MORC1: variants seen among roughly 807,000 people sequenced by gnomAD.
MORC1 encodes MORC family CW-type zinc finger protein 1.
MORC1 carries 59 observed loss-of-function variants against 134.9 expected under a neutral mutation model. The observed-to-expected ratio is 0.44, with a 90% confidence interval of 0.35 to 0.54. The LOEUF is 0.54. MORC1 is among the 20% of genes least tolerant of loss of function. The pLI, the probability that MORC1 is intolerant of heterozygous loss-of-function variation, is 0.00. For synonymous variants in MORC1, 395 were observed against 391.7 expected (o/e 1.01, Z -0.10); for missense variants, 947 against 1,134.5 (o/e 0.83, Z 2.37).
chr3:108,970,254 A>T (rs1947341639), intron 25 of MORC1, among the ~76,000 whole-genome samples: 1 of 152,080 alleles, frequency 6.6e-6, no homozygotes, highest in Admixed American at 6.5e-5. Context: ...CACAAAGAAG[A>T]TGGGAGGGAG....
chr3:109,074,452 A>G (rs902982968), intron 8 of MORC1, among the ~76,000 whole-genome samples: 3 of 152,224 alleles, frequency 2.0e-5, no homozygotes, highest in African/African-American at 7.2e-5. Context: ...TCACCTCCAA[A>G]AAAGGAATCA....
intron 8 of MORC1, among the ~76,000 whole-genome samples, chr3:109,078,854 A>G (rs1185700878): frequency 6.6e-6 from 1 of 151,950 alleles, no homozygotes; most frequent in Admixed American, 6.6e-5. Context: ...AAATTTTATA[A>G]AAACTCCATG....
intron 26 of MORC1, among the ~76,000 whole-genome samples, chr3:108,968,328 A>C (rs1468956369): frequency 6.6e-6 from 1 of 152,198 alleles, no homozygotes; most frequent in Non-Finnish European, 1.5e-5. Context: ...GTTGTTTATC[A>C]CCGTCCAGTT....
chr3:109,032,632 T>C (rs139917059), intron 16 of MORC1, 88 bp downstream of exon 16: 1 of 895,514 alleles, frequency 1.1e-6, no homozygotes, highest in Non-Finnish European at 1.7e-6. Context: ...CTAAAATCTA[T>C]ATTATAGATT....
In MORC1 at chr3:109,112,105, TG is replaced by T. The variant is rs1324422857; in HGVS notation, c.120-1323del. Among the ~76,000 whole-genome samples the T allele has an allele frequency of 5.9e-5, 9 of 152,318 alleles. No individual in the cohort carries two copies. In the South Asian group the frequency reaches 1.9e-3, roughly 32 times the overall value. On this transcript the variant is annotated intron_variant, in intron 2 of 27. Transcript: ENST00000232603. Reference sequence around the variant, plus strand: ...TTTAATAAATGCCACTGTACTGAAATGTAAGTTTTTAAAGAGGTAGTTTTTT... The same window carrying T: ...TTTAATAAATGCCACTGTACTGAAATTAAGTTTTTAAAGAGGTAGTTTTTT...
At chr3:109,098,794 T>C (rs1950873917) in intron 6 of MORC1, among the ~76,000 whole-genome samples, 1 of 152,194 alleles carries the variant, frequency 6.6e-6, no homozygotes, top group African/African-American at 2.4e-5. Context: ...CTGCTTCTTT[T>C]CTACCTTCAT....
chr3:109,024,659 T>C (rs1009477704), intron 17 of MORC1, among the ~76,000 whole-genome samples: 7 of 152,172 alleles, frequency 4.6e-5, no homozygotes, highest in African/African-American at 9.7e-5. Flanking sequence ...GGATAAGTGG[T>C]CATTGGGAGT....
At chr3:108,959,502 T>G (rs188981484) in intron 27 of MORC1, among the ~76,000 whole-genome samples, 1 of 152,238 alleles carries the variant, frequency 6.6e-6, no homozygotes, top group East Asian at 1.9e-4. Flanking sequence ...GTAGCCAAAT[T>G]TTGTCTTCTT....
intron 25 of MORC1, among the ~76,000 whole-genome samples, chr3:108,970,278 A>C (rs1559861305): frequency 1.3e-5 from 2 of 152,144 alleles, no homozygotes; most frequent in East Asian, 1.9e-4. Context: ...AGCAAAAAAA[A>C]TAAAAATAAA....
At chr3:109,037,127 C>T (rs9878650) in intron 14 of MORC1, among the ~76,000 whole-genome samples, 64,276 of 151,976 alleles carry the variant, frequency 0.42, 14,311 homozygotes, top group Middle Eastern at 0.55. Context: ...TCTTTCCCTA[C>T]GGTTTTTAAG....
chr3:109,080,370 C>A (rs1482747529), intron 8 of MORC1, among the ~76,000 whole-genome samples: 1 of 152,110 alleles, frequency 6.6e-6, no homozygotes, highest in African/African-American at 2.4e-5. Flanking sequence ...AACACCACAG[C>A]AAAGACTTGC....
chr3:109,077,201 G>C, intron 8 of MORC1, among the ~76,000 whole-genome samples: 1 of 152,102 alleles, frequency 6.6e-6, no homozygotes, highest in East Asian at 1.9e-4. Context: ...GACACTTGTA[G>C]AGATACAAAG....
chr3:109,108,669 G>C (rs1001183197), intron 3 of MORC1, among the ~76,000 whole-genome samples: 1 of 152,072 alleles, frequency 6.6e-6, no homozygotes, highest in East Asian at 1.9e-4. Flanking sequence ...AGGCCGAGGC[G>C]GGCGGATCAC....
At chr3:109,111,050 TA>T (rs11344763) in intron 2 of MORC1, among the ~76,000 whole-genome samples, 72,130 of 113,800 alleles carry the variant, frequency 0.63, 20,013 homozygotes, top group East Asian at 0.77. Context: ...GGATATAATT[TA>T]AAAAAAAAAA....
At chr3:109,080,642 A>G (rs1950504534) in intron 8 of MORC1, among the ~76,000 whole-genome samples, 1 of 152,232 alleles carries the variant, frequency 6.6e-6, no homozygotes, top group African/African-American at 2.4e-5. Flanking sequence ...ATTTAATTAT[A>G]AATTCAAGGA....
intron 14 of MORC1, among the ~76,000 whole-genome samples, chr3:109,050,584 C>A (rs1949801058): frequency 6.6e-6 from 1 of 152,166 alleles, no homozygotes; most frequent in Admixed American, 6.5e-5. Context: ...GCAGGAGAGA[C>A]ATAAACATTC....
chr3:109,098,026 C>T (rs1488127508), intron 6 of MORC1, among the ~76,000 whole-genome samples: 2 of 152,084 alleles, frequency 1.3e-5, no homozygotes, highest in Admixed American at 1.3e-4. Flanking sequence ...TACAGGCATG[C>T]TATTTAGAGA....
intron 17 of MORC1, among the ~76,000 whole-genome samples, chr3:109,007,779 C>T (rs1167690963): frequency 6.6e-6 from 1 of 152,190 alleles, no homozygotes; most frequent in Non-Finnish European, 1.5e-5. Context: ...AATATAGTCA[C>T]ATATGACAAC....
chr3:108,969,195 T>C (rs1459617134), intron 26 of MORC1, among the ~76,000 whole-genome samples: 1 of 152,194 alleles, frequency 6.6e-6, no homozygotes, highest in African/African-American at 2.4e-5. Flanking sequence ...CTTGAGGCTA[T>C]GGATGAATTT....
Sources: allele counts gnomAD v4.1 joint callset (sites outside exome capture counted in the v4.1 genomes callset), GRCh38; gene constraint gnomAD v4.1.1; transcripts MANE v1.5; gene names NCBI Gene and HGNC (gene_info 2026-07-23, HGNC 2026-07-21).